The following TNS3 variants were observed in gnomAD, a reference collection of about 807,000 sequenced individuals.
The protein encoded by TNS3 is tensin 3.
In TNS3, 45 loss-of-function variants were observed where a neutral mutation model predicts 140.9. The observed-to-expected ratio is 0.32, with a 90% CI of 0.25 to 0.41. TNS3 has a LOEUF of 0.41. Among genes scored for constraint, TNS3 ranks in the 10% least tolerant of loss-of-function variants. The pLI is 1.00. For synonymous variants in TNS3, 815 were observed against 788.4 expected, an observed-to-expected ratio of 1.03 and a Z score of -0.56; for missense variants, 1,716 against 1,906.7, an observed-to-expected ratio of 0.90 and a Z score of 1.86.
intron 21 of TNS3, among the ~76,000 whole-genome samples, chr7:47,304,589 T>C (rs949241875): frequency 3.3e-5 from 5 of 152,022 alleles, no homozygotes; most frequent in Admixed American, 1.3e-4. Context: ...CTAAGACTGA[T>C]TTTTCCTGTA....
intron 4 of TNS3, among the ~76,000 whole-genome samples, chr7:47,463,115 C>A (rs767702345): frequency 6.6e-6 from 1 of 152,162 alleles, no homozygotes; most frequent in African/African-American, 2.4e-5. Context: ...TAGGGTCCTG[C>A]GAGCTCTAGT....
At position 47,564,274 on chromosome 7, in the gene TNS3, A is replaced by G. The variant is rs544392178; in HGVS notation, c.-265+17777T>C. ...ACTCTCCATAATGTCAGTGGGGCTA[A>G]TCCAATCAGTTGAAGCCCTTAAGAG... is the stretch of plus-strand genomic sequence containing the variant. On this transcript the variant is annotated intron_variant, in intron 1 of 30. Coordinates refer to ENST00000311160, the MANE Select transcript of TNS3 (RefSeq NM_022748.12). 7.9e-5 allele frequency among the ~76,000 whole-genome samples: 12 copies of G among 152,182 alleles called. No homozygotes were observed. In the East Asian group the frequency reaches 2.3e-3, roughly 29 times the overall value.
intron 27 of TNS3, among the ~76,000 whole-genome samples, 159 bp from the exon 28 acceptor site, chr7:47,284,024 A>ATGAACATGAACAGTG (rs1740408636): frequency 6.6e-6 from 1 of 152,208 alleles, no homozygotes; most frequent in Non-Finnish European, 1.5e-5. Flanking sequence ...TTTGCCCCTA[A>ATGAACATGAACAGTG]TTCTGAAAAC....
chr7:47,519,340 CA>C (rs1266083521), intron 2 of TNS3, among the ~76,000 whole-genome samples: 1 of 150,908 alleles, frequency 6.6e-6, no homozygotes, highest in Non-Finnish European at 1.5e-5. Context: ...TACAATATTG[CA>C]GAATGAAAGG....
At chr7:47,330,008 C>T (rs148953918) in intron 20 of TNS3, among the ~76,000 whole-genome samples, 2 of 152,330 alleles carry the variant, frequency 1.3e-5, no homozygotes, top group African/African-American at 4.8e-5. Context: ...TCTCTTGCTT[C>T]TTTCTCCTCA....
intron 10 of TNS3, among the ~76,000 whole-genome samples, chr7:47,418,186 C>A (rs1584613981): frequency 6.6e-6 from 1 of 152,082 alleles, no homozygotes; most frequent in African/African-American, 2.4e-5. Flanking sequence ...CCTGTAATCC[C>A]AGCTACACAG....
chr7:47,478,328 G>A (rs115216143), intron 4 of TNS3, among the ~76,000 whole-genome samples: 1,740 of 152,166 alleles, frequency 0.011, 41 homozygotes, highest in African/African-American at 0.04. Flanking sequence ...GACCACACCT[G>A]GGGGCCAGCT....
chr7:47,535,460 C>T (rs1270615437), intron 1 of TNS3, among the ~76,000 whole-genome samples: 1 of 152,234 alleles, frequency 6.6e-6, no homozygotes, highest in African/African-American at 2.4e-5. Flanking sequence ...CTGTACATAA[C>T]ATCTCTATTG....
chr7:47,510,068 C>T (rs913333235), intron 2 of TNS3, among the ~76,000 whole-genome samples: 3 of 152,212 alleles, frequency 2.0e-5, no homozygotes, highest in Non-Finnish European at 2.9e-5. Flanking sequence ...TACCTATCTT[C>T]GCCTGTTTTA....
chr7:47,469,557 C>A (rs1405357858), intron 4 of TNS3, among the ~76,000 whole-genome samples: 1 of 152,086 alleles, frequency 6.6e-6, no homozygotes, highest in Non-Finnish European at 1.5e-5. Flanking sequence ...GGGTACATAC[C>A]CAAAGAAATA....
chr7:47,498,572 TTAAAA>T (rs1280979970), intron 3 of TNS3, among the ~76,000 whole-genome samples: 1 of 152,240 alleles, frequency 6.6e-6, no homozygotes, highest in African/African-American at 2.4e-5. Flanking sequence ...AGGATACATT[TTAAAA>T]TTATATTATT....
At chr7:47,538,679 A>G (rs1356768098) in intron 1 of TNS3, among the ~76,000 whole-genome samples, 1 of 152,192 alleles carries the variant, frequency 6.6e-6, no homozygotes, top group Non-Finnish European at 1.5e-5. Flanking sequence ...GCTGCTCTTC[A>G]ACTTTTAACT....
chr7:47,288,135 T>C (rs1785513372), intron 27 of TNS3, among the ~76,000 whole-genome samples: 2 of 152,212 alleles, frequency 1.3e-5, no homozygotes. Context: ...GCCCTGGTGC[T>C]ACCATATAGG....
At chr7:47,380,169 G>A (rs1459405406) in intron 16 of TNS3, among the ~76,000 whole-genome samples, 1 of 152,220 alleles carries the variant, frequency 6.6e-6, no homozygotes, top group South Asian at 2.1e-4. Flanking sequence ...TGTCACAGAC[G>A]CCGCCAAGGT....
rs1784905027 is a variant in TNS3 at position 47,277,158 on chromosome 7, G to A, written c.*918C>T. The A allele has an allele frequency of 1.3e-5, 2 of 152,210 alleles. No individual in the cohort carries two copies. Among genetic ancestry groups the A allele is most frequent in the South Asian group, 2.1e-4 (1 of 4,826 alleles). 9.4% of individuals were successfully genotyped at this position (152,210 alleles called of 1,614,324 possible). ...CACTGCACACTCTTTCAGTGGCCAG[G>A]GGCCTGCGGTGCATCCTACATAGGG... On this transcript the variant is annotated 3_prime_UTR_variant, in exon 31 of 31. Coordinates refer to ENST00000311160, the MANE Select transcript of TNS3 (RefSeq NM_022748.12).
In TNS3 at chr7:47,413,969, T is replaced by C; in HGVS notation, c.615A>G (p.Gln205=). ...GVCRPFLKLY[Q]AMQPVYTSGI... ...CGGAGGTGTACACAGGCTGCATGGC[T>C]TGGTAGAGCTTCAGAAAGGGCCGGC... Residue 205 remains glutamine, a synonymous_variant, in exon 12 of 31, where the codon CAA becomes CAG. Coordinates refer to ENST00000311160, the MANE Select transcript of TNS3 (RefSeq NM_022748.12). 1 of 1,613,288 alleles carries C rather than the reference T, an allele frequency of 6.2e-7. No homozygotes were observed. The highest frequency in any genetic ancestry group is 1.1e-5 in the South Asian group (1 of 91,016).
At chr7:47,497,728 CTTTTGT>C (rs1287493214) in intron 3 of TNS3, among the ~76,000 whole-genome samples, 6 of 149,942 alleles carry the variant, frequency 4.0e-5, no homozygotes, top group African/African-American at 1.5e-4. Context: ...GTGCTCTTTT[CTTTTGT>C]TTTTGTTTAC....
At chr7:47,333,813 G>C (rs1788472157) in intron 20 of TNS3, among the ~76,000 whole-genome samples, 1 of 152,162 alleles carries the variant, frequency 6.6e-6, no homozygotes, top group South Asian at 2.1e-4. Flanking sequence ...ATTTCAATAA[G>C]AAAGTGCATT....
At chr7:47,529,312 C>T (rs547511119) in intron 1 of TNS3, among the ~76,000 whole-genome samples, 165 bp from the exon 2 acceptor site, 7 of 152,244 alleles carry the variant, frequency 4.6e-5, no homozygotes, top group African/African-American at 1.4e-4. Flanking sequence ...TGCTAAAATT[C>T]CCAAGACGAC....
Sources: allele counts gnomAD v4.1 joint callset (sites outside exome capture counted in the v4.1 genomes callset), GRCh38; gene constraint gnomAD v4.1.1; transcripts MANE v1.5; gene names NCBI Gene and HGNC (gene_info 2026-07-23, HGNC 2026-07-21).